NT5E: variants seen among roughly 807,000 people sequenced by gnomAD.
NT5E encodes the protein 5'-nucleotidase ecto.
NT5E carries 53 observed loss-of-function variants against 55.1 expected under a neutral mutation model. The observed-to-expected ratio is 0.96, with a 90% CI of 0.77 to 1.21. NT5E has a LOEUF of 1.21. Among genes scored for constraint, NT5E ranks in the 50% most tolerant of loss-of-function variants. NT5E has a pLI of 0.00. For missense variants in NT5E, 683 were observed against 724.3 expected (o/e 0.94, Z 0.65); for synonymous variants, 270 against 278.4 (o/e 0.97, Z 0.30).
intron 4 of NT5E, among the ~76,000 whole-genome samples, chr6:85,486,444 G>A (rs1769664822): frequency 6.6e-6 from 1 of 152,090 alleles, no homozygotes; most frequent in Non-Finnish European, 1.5e-5. Flanking sequence ...GAAGAGCGGC[G>A]GCAAGATGAG....
chr6:85,489,516 C>G lies in NT5E; in HGVS notation c.1127C>G (p.Thr376Arg), dbSNP rs768995703. ...CAGATTAACAACAACCTGAGACACA[C>G]GGATGAAATGTTCTGGAACCACGTA... ...DAMINNNLRH[T>R]DEMFWNHVSM... Residue 376 changes from threonine to arginine, a missense_variant, in exon 6 of 9, where the codon ACG (threonine) becomes AGG (arginine). Transcript: ENST00000257770. 6.2e-7 allele frequency: 1 copy of G among 1,613,438 alleles called. No homozygotes were observed. Among genetic ancestry groups the G allele is most frequent in the Non-Finnish European group, 8.5e-7 (1 of 1,179,538 alleles).
intron 3 of NT5E, among the ~76,000 whole-genome samples, chr6:85,484,548 C>T (rs1769610569): frequency 6.6e-6 from 1 of 152,134 alleles, no homozygotes; most frequent in Admixed American, 6.5e-5. Context: ...AGTGTGCCTG[C>T]TGGTTGGCCC....
At chr6:85,488,393 G>A (rs892118692) in intron 5 of NT5E, among the ~76,000 whole-genome samples, 1 of 152,134 alleles carries the variant, frequency 6.6e-6, no homozygotes, top group African/African-American at 2.4e-5. Context: ...GCCAAGACCA[G>A]ACTCATGATG....
At chr6:85,456,007 A>G (rs1411261299) in intron 1 of NT5E, among the ~76,000 whole-genome samples, 1 of 152,066 alleles carries the variant, frequency 6.6e-6, no homozygotes, top group Non-Finnish European at 1.5e-5. Context: ...CAGAAAGACT[A>G]ATTTATGACT....
chr6:85,462,441 C>T (rs1769115832), intron 1 of NT5E, among the ~76,000 whole-genome samples: 1 of 152,172 alleles, frequency 6.6e-6, no homozygotes, highest in African/African-American at 2.4e-5. Context: ...ACCAAATCAC[C>T]TGGATGCCAT....
In NT5E at chr6:85,481,496, G is replaced by T. The variant is rs149779142; in HGVS notation, c.752-3739G>T. On this transcript the variant is annotated intron_variant, in intron 3 of 8. Coordinates refer to ENST00000257770, the MANE Select transcript of NT5E (RefSeq NM_002526.4). ...CCTTGAGTCGAGTCAGGCTTCACTT[G>T]CTGCATTAACTTCTTTAATCTCCAC... Among the ~76,000 whole-genome samples the T allele has an allele frequency of 1.3e-4, 20 of 152,322 alleles. No homozygotes were observed. In the East Asian group the frequency reaches 3.7e-3, roughly 28 times the overall value.
At chr6:85,473,914 G>A (rs1245505591) in intron 3 of NT5E, among the ~76,000 whole-genome samples, 2 of 152,168 alleles carry the variant, frequency 1.3e-5, no homozygotes, top group Non-Finnish European at 2.9e-5. Flanking sequence ...AATCAATGCT[G>A]TCTTACAGCA....
chr6:85,472,541 T>C (rs1769336785), intron 3 of NT5E, among the ~76,000 whole-genome samples: 1 of 152,200 alleles, frequency 6.6e-6, no homozygotes. Flanking sequence ...TTTGAGCAGG[T>C]CACTTAGCAC....
chr6:85,464,898 A>G lies in NT5E; in HGVS notation c.340-2162A>G, dbSNP rs539503435. Among the ~76,000 whole-genome samples the G allele has an allele frequency of 1.2e-3, 180 of 152,258 alleles. 1 individual carries two copies. The highest frequency in any genetic ancestry group is 4.0e-3 in the African/African-American group (166 of 41,546). The stretch of plus-strand genomic sequence containing the variant: ...GGGCTTCTGGCTTTATTGACTGGGT[A>G]TATGGTGGCATCCTGGGCCAAGACA... On this transcript the variant is annotated intron_variant, in intron 1 of 8. Coordinates refer to ENST00000257770, the MANE Select transcript of NT5E (RefSeq NM_002526.4).
At chr6:85,493,407 T>G (rs867147396) in intron 8 of NT5E, among the ~76,000 whole-genome samples, 6 of 152,176 alleles carry the variant, frequency 3.9e-5, no homozygotes, top group Admixed American at 2.6e-4. Context: ...AATTAGCATT[T>G]ATCCTCTCCT....
intron 1 of NT5E, among the ~76,000 whole-genome samples, chr6:85,466,353 G>A (rs1037484169): frequency 3.3e-5 from 5 of 152,182 alleles, no homozygotes; most frequent in African/African-American, 7.2e-5. Context: ...TACAGAACCC[G>A]CTGAAGGTCA....
chr6:85,462,734 C>T (rs4144167), intron 1 of NT5E, among the ~76,000 whole-genome samples: 28,638 of 152,152 alleles, frequency 0.19, 3,298 homozygotes, highest in African/African-American at 0.33. Flanking sequence ...TGATTTGGTG[C>T]GTGAACCATT....
At chr6:85,477,582 TA>T (rs1464987048) in intron 3 of NT5E, among the ~76,000 whole-genome samples, 1 of 152,192 alleles carries the variant, frequency 6.6e-6, no homozygotes, top group Non-Finnish European at 1.5e-5. Context: ...ATCCCTGCTG[TA>T]ATAGGAATAA....
At chr6:85,472,310 C>T (rs556412934) in intron 3 of NT5E, among the ~76,000 whole-genome samples, 30 of 152,152 alleles carry the variant, frequency 2.0e-4, no homozygotes, top group Non-Finnish European at 2.9e-4. Context: ...TTGATAAAAG[C>T]GAAACTCAAA....
chr6:85,473,793 G>A (rs1171161168), intron 3 of NT5E, among the ~76,000 whole-genome samples: 1 of 152,214 alleles, frequency 6.6e-6, no homozygotes, highest in East Asian at 1.9e-4. Flanking sequence ...TAAAAACTCA[G>A]CTTTAAATGG....
At position 85,492,124 on chromosome 6, in the gene NT5E, A is replaced by G. The variant is rs747601392; in HGVS notation, c.1508A>G (p.Asn503Ser). The G allele has an allele frequency of 4.4e-5, 71 of 1,614,060 alleles. No homozygotes were observed. Among genetic ancestry groups the G allele is most frequent in the East Asian group, 8.9e-5 (4 of 44,894 alleles). ...YKVILPNFLA[N>S]GGDGFQMIKD... is the part of the protein sequence containing the mutation. The stretch of plus-strand genomic sequence containing the variant: ...GTGATCCTCCCAAACTTCCTGGCCA[A>G]TGGTGGAGATGGGTTCCAGATGATA... The change falls in exon 8 of 9, where the codon AAT (asparagine) becomes AGT (serine). Residue 503 changes from asparagine (N) to serine (S), a missense_variant. By Grantham distance (46) the Asn-to-Ser change is conservative (BLOSUM62 1). Coordinates refer to ENST00000257770, the MANE Select transcript of NT5E (RefSeq NM_002526.4).
rs1232437081 is a variant in NT5E at position 85,495,765 on chromosome 6, A to C, written c.*1761A>C. On this transcript the variant is annotated 3_prime_UTR_variant, in exon 9 of 9. Transcript: ENST00000257770. ...ACTTTGCAATTGTAGATTCCCAACA[A>C]TAAAATTGAAGATAAGCTCTTTGGT... The C allele has an allele frequency of 6.6e-6, 1 of 152,190 alleles. No homozygotes were observed. Among genetic ancestry groups the C allele is most frequent in the Non-Finnish European group, 1.5e-5 (1 of 68,042 alleles). 9.4% of individuals were successfully genotyped at this position (152,190 alleles called of 1,614,324 possible). A position where few individuals can be genotyped will look rare whatever the true frequency, so the allele number is the denominator to read the frequency against.
chr6:85,495,359 G>T lies in NT5E; in HGVS notation c.*1355G>T, dbSNP rs995299771. ...CATGAGCCTGCTCAGCTCTGCATAAGTAATTCAAGAAATGGGAGGCTTCAC... is the reference window on the plus strand; with the variant it reads ...CATGAGCCTGCTCAGCTCTGCATAATTAATTCAAGAAATGGGAGGCTTCAC... On this transcript the variant is annotated 3_prime_UTR_variant, in exon 9 of 9. Coordinates refer to ENST00000257770, the MANE Select transcript of NT5E (RefSeq NM_002526.4). 4 of 152,212 alleles carry T rather than the reference G, an allele frequency of 2.6e-5. No individual in the cohort carries two copies. In the East Asian group the frequency reaches 5.8e-4, roughly 22 times the overall value. 9.4% of individuals were successfully genotyped at this position (152,212 alleles called of 1,614,324 possible).
chr6:85,482,483 G>A (rs573485440), intron 3 of NT5E, among the ~76,000 whole-genome samples: 2 of 152,172 alleles, frequency 1.3e-5, no homozygotes, highest in Non-Finnish European at 2.9e-5. Flanking sequence ...CATGTGACAC[G>A]AGAAGGGCAA....
Sources: gnomAD v4.1 joint callset for allele counts (sites outside exome capture counted in the v4.1 genomes callset) on GRCh38, gnomAD v4.1.1 for gene constraint, MANE v1.5 for transcripts, NCBI Gene and HGNC (gene_info 2026-07-23, HGNC 2026-07-21) for gene names.